The following CARS1 variants were observed in gnomAD, a reference collection of about 807,000 sequenced individuals.
The protein encoded by CARS1 is cysteine--tRNA ligase, cytoplasmic.
CARS1 carries 48 observed loss-of-function variants against 106.2 expected under a neutral mutation model. The ratio of observed to expected loss-of-function variants is 0.45; its 90% CI spans 0.36 to 0.57. The LOEUF (loss-of-function observed/expected upper bound fraction) is 0.57, where lower values mean the gene tolerates loss of function less well. CARS1 is among the 20% of genes least tolerant of loss of function. The pLI is 0.00. For synonymous variants in CARS1, 409 were observed against 403.4 expected (o/e 1.01, Z -0.17); for missense variants, 968 against 1,057.2 (o/e 0.92, Z 1.17).
rs1854920438 is a variant in CARS1, at chr11:3,044,873, C to T, written c.275-2617G>A. Reference sequence around the variant, plus strand: ...GAGAGGGAAGCCAGGAAGTGGCAAGCAGTCTGCCTACAACACACCAGATGC... The same window carrying T: ...GAGAGGGAAGCCAGGAAGTGGCAAGTAGTCTGCCTACAACACACCAGATGC... On this transcript the variant is annotated intron_variant, in intron 2 of 22. Transcript: ENST00000380525. The surrounding 1 kb of genome is among the most constrained non-coding windows in gnomAD (Gnocchi z 4.4). 6.6e-6 allele frequency among the ~76,000 whole-genome samples: 1 copy of T among 152,136 alleles called. No homozygotes were observed. Among genetic ancestry groups the T allele is most frequent in the Non-Finnish European group, 1.5e-5 (1 of 68,038 alleles).
chr11:3,023,956 G>A (rs906959504), intron 10 of CARS1, among the ~76,000 whole-genome samples: 7 of 151,772 alleles, frequency 4.6e-5, no homozygotes, highest in Admixed American at 2.6e-4. Context: ...GCAGTGGCAC[G>A]CTCTCAGCTC....
intron 18 of CARS1, 33 bp from the exon 19 acceptor site, chr11:3,006,992 T>C (rs1345764464): frequency 1.3e-6 from 2 of 1,574,202 alleles, no homozygotes; most frequent in Admixed American, 3.3e-5. Flanking sequence ...CCCTCAGACA[T>C]GGAGGAGCCA....
At position 3,047,900 on chromosome 11, in the gene CARS1, G is replaced by GT; in HGVS notation, c.126dup (p.Leu43ThrfsTer18). 6.2e-7 allele frequency: 1 copy of GT among 1,614,208 alleles called. No individual in the cohort carries two copies. The highest frequency in any genetic ancestry group is 1.3e-5 in the African/African-American group (1 of 75,064). ...AACGCGTCCACGTCTGCCTGGGACA[G>GT]TGAGTACCCCTGGACATAGCTACGC... On this transcript the variant is annotated frameshift_variant, in exon 2 of 23. Coordinates refer to ENST00000380525, the MANE Select transcript of CARS1 (RefSeq NM_001014437.3). LOFTEE classifies it high-confidence loss of function.
At position 3,026,627 on chromosome 11, in the gene CARS1, G is replaced by A. The variant is rs1209848697; in HGVS notation, c.1153+49C>T. 4 of 1,601,946 alleles carry A rather than the reference G, an allele frequency of 2.5e-6. No homozygotes were observed. In the Admixed American group the frequency reaches 6.7e-5, roughly 27 times the overall value. On this transcript the variant is annotated intron_variant, in intron 10 of 22. Coordinates refer to ENST00000380525, the MANE Select transcript of CARS1 (RefSeq NM_001014437.3). ...GGCCTGCAAAGTCAACACAACCCAG[G>A]CTGGGCCAGGAGGGAGAGCCCACAT...
rs1853905426 is a variant in CARS1, at chr11:3,038,026, T to C, written c.801+24A>G. The C allele has an allele frequency of 5.0e-6, 8 of 1,603,630 alleles. No homozygotes were observed. Among genetic ancestry groups the C allele is most frequent in the Non-Finnish European group, 6.0e-6 (7 of 1,171,988 alleles). The stretch of plus-strand genomic sequence containing the variant: ...CCCGACATTTGACCCGAACGGGCTG[T>C]CTGGGAGATGTGTGAAGCCTCACCT... On this transcript the variant is annotated intron_variant, in intron 7 of 22. Transcript: ENST00000380525. This position sits in a 1 kb window ranked among gnomAD's most constrained non-coding sequence, Gnocchi z 4.0.
intron 1 of CARS1, among the ~76,000 whole-genome samples, chr11:3,056,837 C>T (rs545287196): frequency 3.7e-4 from 56 of 152,190 alleles, no homozygotes; most frequent in Non-Finnish European, 6.3e-4. Flanking sequence ...GATGTAGGGC[C>T]ACCTCCCGGG....
In CARS1 at chr11:3,028,946, G is replaced by C. The variant is rs368631563; in HGVS notation, c.1031+50C>G. 37 of 1,278,842 alleles carry C rather than the reference G, an allele frequency of 2.9e-5. No homozygotes were observed. The highest frequency in any genetic ancestry group is 4.0e-5 in the Non-Finnish European group (35 of 875,708). The allele number at this position is 1,278,842 out of a possible 1,614,324, so 79.2% of individuals were successfully genotyped here. On this transcript the variant is annotated intron_variant, in intron 9 of 22. Coordinates refer to ENST00000380525, the MANE Select transcript of CARS1 (RefSeq NM_001014437.3). This position sits in a 1 kb window ranked among gnomAD's most constrained non-coding sequence, Gnocchi z 4.4. ...GCTCAGAGCTGGGGAGCTCCTCCCT[G>C]TGCGATGTTCTGCAGCCCTTCCCTC...
In CARS1 at chr11:3,022,509, C is replaced by T. The variant is rs1851657231; in HGVS notation, c.1154-2177G>A. 6.6e-6 allele frequency among the ~76,000 whole-genome samples: 1 copy of T among 152,150 alleles called. No individual in the cohort carries two copies. The highest frequency in any genetic ancestry group is 6.5e-5 in the Admixed American group (1 of 15,276). On this transcript the variant is annotated intron_variant, in intron 10 of 22. Transcript: ENST00000380525. This position sits in a 1 kb window ranked among gnomAD's most constrained non-coding sequence, Gnocchi z 4.9. Reference sequence around the variant, plus strand: ...TTACTACGCTTCTTCTACGGCAACCCCTGGTATCCCGGTATACTGACTCGC... The same window carrying T: ...TTACTACGCTTCTTCTACGGCAACCTCTGGTATCCCGGTATACTGACTCGC...
intron 7 of CARS1, among the ~76,000 whole-genome samples, chr11:3,032,785 T>G (rs1401450318): frequency 6.6e-6 from 1 of 151,556 alleles, no homozygotes; most frequent in Non-Finnish European, 1.5e-5. Context: ...ACAGAGGATG[T>G]TCAGGGCAGT....
chr11:3,029,587 T>G lies in CARS1; in HGVS notation c.802-144A>C. The G allele has an allele frequency of 7.8e-6, 6 of 771,190 alleles. No individual in the cohort carries two copies. The highest frequency in any genetic ancestry group is 1.2e-5 in the Non-Finnish European group (6 of 489,970). 47.8% of individuals were successfully genotyped at this position (771,190 alleles called of 1,614,324 possible). The stretch of plus-strand genomic sequence containing the variant: ...AAGAGCCACCGTCTCCTAGGGAGAC[T>G]GTGATGCTTACACAACTGGCTCGGC... On this transcript the variant is annotated intron_variant, in intron 7 of 22. Transcript: ENST00000380525. The surrounding 1 kb of genome is among the most constrained non-coding windows in gnomAD (Gnocchi z 5.9).
chr11:3,017,599 C>T lies in CARS1; in HGVS notation c.1727+258G>A, dbSNP rs1401764768. On this transcript the variant is annotated intron_variant, in intron 15 of 22. Transcript: ENST00000380525. The surrounding 1 kb of genome is among the most constrained non-coding windows in gnomAD (Gnocchi z 4.9). The stretch of plus-strand genomic sequence containing the variant: ...TGGAGGTTGTGGTGAGCCGAGATCA[C>T]GCCACTGCACTCCAGCCTGGGCAAC... 11 of 560,162 alleles carry T rather than the reference C, an allele frequency of 2.0e-5. No individual in the cohort carries two copies. Among genetic ancestry groups the T allele is most frequent in the East Asian group, 8.8e-5 (3 of 34,172 alleles). The allele number at this position is 560,162 out of a possible 1,614,324, so 34.7% of individuals were successfully genotyped here.
rs758761073 is a variant in CARS1, at chr11:3,017,345, T to C, written c.1728-50A>G. 1.3e-5 allele frequency: 20 copies of C among 1,548,338 alleles called. No individual in the cohort carries two copies. In the African/African-American group the frequency reaches 1.4e-4, roughly 11 times the overall value. ...TGAAGTCAGACCTGAAAACACACCA[T>C]AGAAATTCCCCATGTGGCCAGGCGC... On this transcript the variant is annotated intron_variant, in intron 15 of 22. Transcript: ENST00000380525. The surrounding 1 kb of genome is among the most constrained non-coding windows in gnomAD (Gnocchi z 4.9).
chr11:3,012,893 T>C (rs2134121054), intron 17 of CARS1, among the ~76,000 whole-genome samples: 1 of 149,546 alleles, frequency 6.7e-6, no homozygotes, highest in South Asian at 2.1e-4. Flanking sequence ...CCTTTTTTTT[T>C]TTTTTTTTTT....
chr11:3,007,045 G>A, intron 18 of CARS1, 86 bp from the exon 19 acceptor site: 1 of 1,090,852 alleles, frequency 9.2e-7, no homozygotes, highest in Non-Finnish European at 1.4e-6. Flanking sequence ...GGGGAAGGAG[G>A]GGCCGTGGCC....
Position 3,037,772 on chromosome 11 carries a change from C to T in CARS1, c.801+278G>A, listed in dbSNP as rs958027492. Among the ~76,000 whole-genome samples the T allele has an allele frequency of 6.6e-6, 1 of 152,180 alleles. No homozygotes were observed. The highest frequency in any genetic ancestry group is 1.5e-5 in the Non-Finnish European group (1 of 68,006). On this transcript the variant is annotated intron_variant, in intron 7 of 22. Coordinates refer to ENST00000380525, the MANE Select transcript of CARS1 (RefSeq NM_001014437.3). The surrounding 1 kb of genome is among the most constrained non-coding windows in gnomAD (Gnocchi z 5.9). ...CCTCCCCACGTTCCAAGTGCACCTC[C>T]TGCCTATCTGATGGAAGTGGTGGGA...
rs770021921 is a variant in CARS1, at chr11:3,040,882, C to T, written c.455+14G>A. The T allele has an allele frequency of 2.6e-5, 42 of 1,612,342 alleles. No individual in the cohort carries two copies. Among genetic ancestry groups the T allele is most frequent in the Middle Eastern group, 1.6e-4 (1 of 6,068 alleles). ...AACTGCAGAAGCTGCAGGGACACCC[C>T]GCGGTGGACCTACCTGGCGTGCCCC... On this transcript the variant is annotated intron_variant, in intron 4 of 22. Transcript: ENST00000380525. This position sits in a 1 kb window ranked among gnomAD's most constrained non-coding sequence, Gnocchi z 5.8.
chr11:3,054,735 G>GT (rs1347108324), intron 1 of CARS1: 39 of 616,942 alleles, frequency 6.3e-5, no homozygotes, highest in Non-Finnish European at 9.8e-5. Context: ...CCTCAAAGGG[G>GT]TTCCCCCAAG....
Position 3,012,341 on chromosome 11 carries a change from T to C in CARS1, c.1987-65A>G, listed in dbSNP as rs867994560. ...CACTCCCATATTCATAACAGAATAATAGCTCAGTGGCCGCGACACAGGGCA... is the reference window on the plus strand; with the variant it reads ...CACTCCCATATTCATAACAGAATAACAGCTCAGTGGCCGCGACACAGGGCA... On this transcript the variant is annotated intron_variant, in intron 17 of 22. Coordinates refer to ENST00000380525, the MANE Select transcript of CARS1 (RefSeq NM_001014437.3). 4.3e-5 allele frequency: 61 copies of C among 1,412,042 alleles called. 2 individuals are homozygous for C. In the Middle Eastern group the frequency reaches 2.8e-3, roughly 66 times the overall value. 87.5% of individuals were successfully genotyped at this position (1,412,042 alleles called of 1,614,324 possible).
intron 17 of CARS1, among the ~76,000 whole-genome samples, chr11:3,014,501 A>AC (rs1850797170): frequency 6.6e-6 from 1 of 152,218 alleles, no homozygotes; most frequent in African/African-American, 2.4e-5. Flanking sequence ...CGCTGAAGGC[A>AC]CCCCCACAAC....
Sources: gnomAD v4.1 joint callset for allele counts (sites outside exome capture counted in the v4.1 genomes callset) on GRCh38, gnomAD v4.1.1 for gene constraint, Gnocchi (gnomAD v3.1) non-coding constraint, MANE v1.5 for transcripts, NCBI Gene and HGNC (gene_info 2026-07-23, HGNC 2026-07-21) for gene names.